DSE: variants seen among roughly 807,000 people sequenced by gnomAD.
The protein encoded by DSE is dermatan-sulfate epimerase.
A neutral mutation model predicts 84.4 loss-of-function variants in DSE; 36 were observed. The ratio of observed to expected loss-of-function variants is 0.43; its 90% CI spans 0.33 to 0.56. DSE has a LOEUF of 0.56. Among genes scored for constraint, DSE ranks in the 20% least tolerant of loss-of-function variants. The pLI is 0.06. For synonymous variants in DSE, 410 were observed against 430.1 expected (o/e 0.95, Z 0.58); for missense variants, 862 against 1,169.6 (o/e 0.74, Z 3.84).
At chr6:116,284,656 TC>T (rs1345709371) in intron 2 of DSE, among the ~76,000 whole-genome samples, 1 of 66,062 alleles carries the variant, frequency 1.5e-5, no homozygotes, top group Admixed American at 1.9e-4. Context: ...ATGCTATCCC[TC>T]CCCCCTCCCC....
intron 2 of DSE, among the ~76,000 whole-genome samples, chr6:116,362,825 A>G (rs1234949389): frequency 1.3e-5 from 2 of 152,184 alleles, no homozygotes; most frequent in Non-Finnish European, 2.9e-5. Flanking sequence ...TTATTTTCCC[A>G]AAGTTTCCTG....
intron 1 of DSE, among the ~76,000 whole-genome samples, chr6:116,397,646 G>C (rs1214031811): frequency 6.6e-6 from 1 of 152,132 alleles, no homozygotes; most frequent in Admixed American, 6.5e-5. Context: ...CTTTTGGCTG[G>C]GTCTCTGACC....
At chr6:116,339,238 C>G (rs938574623) in intron 2 of DSE, among the ~76,000 whole-genome samples, 3 of 152,020 alleles carry the variant, frequency 2.0e-5, no homozygotes, top group Non-Finnish European at 4.4e-5. Context: ...AATGTTAAAT[C>G]TTAGAACATT....
chr6:116,256,148 T>A (rs930073084), intron 1 of DSE: 8 of 152,274 alleles, frequency 5.3e-5, no homozygotes, highest in African/African-American at 1.9e-4. Flanking sequence ...ACCTTATTAC[T>A]TTACCTCCTT....
intron 2 of DSE, among the ~76,000 whole-genome samples, chr6:116,422,685 A>G (rs1783169975): frequency 6.6e-6 from 1 of 152,242 alleles, no homozygotes; most frequent in African/African-American, 2.4e-5. Flanking sequence ...TTAAACAACA[A>G]CAACAACAAA....
intron 2 of DSE, among the ~76,000 whole-genome samples, chr6:116,286,118 G>A (rs554513009): frequency 5.5e-4 from 84 of 152,228 alleles, no homozygotes; most frequent in Non-Finnish European, 1.0e-3. Context: ...GGGCAGTATG[G>A]CCATTTTCAG....
intron 2 of DSE, among the ~76,000 whole-genome samples, chr6:116,329,300 G>A (rs1028021191): frequency 1.1e-4 from 17 of 152,106 alleles, no homozygotes; most frequent in Non-Finnish European, 2.9e-5. Context: ...TTAAATACAG[G>A]CTTACATAGT....
intron 2 of DSE, among the ~76,000 whole-genome samples, chr6:116,409,021 G>A (rs1225738523): frequency 6.6e-6 from 1 of 152,180 alleles, no homozygotes; most frequent in Non-Finnish European, 1.5e-5. Flanking sequence ...TGAGCTGTGT[G>A]ACCTTGAGAA....
intron 2 of DSE, among the ~76,000 whole-genome samples, chr6:116,414,294 T>C (rs1172958385): frequency 3.9e-5 from 6 of 152,230 alleles, no homozygotes; most frequent in Non-Finnish European, 8.8e-5. Flanking sequence ...TTTGGTGTTC[T>C]TGGCTTGCAA....
intron 2 of DSE, among the ~76,000 whole-genome samples, chr6:116,338,246 G>C (rs1258973701): frequency 4.2e-5 from 5 of 118,372 alleles, no homozygotes; most frequent in Non-Finnish European, 8.3e-5. Flanking sequence ...TTTTTTGACG[G>C]AGGTTTGCTC....
chr6:116,356,558 A>G (rs776144415), intron 2 of DSE, among the ~76,000 whole-genome samples: 1 of 152,236 alleles, frequency 6.6e-6, no homozygotes, highest in Non-Finnish European at 1.5e-5. Flanking sequence ...ATTTTGATCT[A>G]GAAGGCATAG....
chr6:116,398,767 A>G (rs1032279976), intron 1 of DSE, among the ~76,000 whole-genome samples: 2 of 152,240 alleles, frequency 1.3e-5, no homozygotes, highest in East Asian at 3.8e-4. Flanking sequence ...GGCTGTAGTA[A>G]GAAATACAGG....
At chr6:116,295,431 T>C (rs1774603845) in intron 2 of DSE, among the ~76,000 whole-genome samples, 1 of 152,212 alleles carries the variant, frequency 6.6e-6, no homozygotes. Context: ...AAATTTCCTA[T>C]TTAAAATATT....
At chr6:116,302,336 CGTGAGGT>C in intron 2 of DSE, among the ~76,000 whole-genome samples, 1 of 152,242 alleles carries the variant, frequency 6.6e-6, no homozygotes, top group Non-Finnish European at 1.5e-5. Context: ...TTCTAGCTGG[CGTGAGGT>C]GGTATCTCAT....
chr6:116,286,799 G>A (rs942810521), intron 2 of DSE, among the ~76,000 whole-genome samples: 2 of 152,084 alleles, frequency 1.3e-5, no homozygotes, highest in Non-Finnish European at 2.9e-5. Context: ...TGGTGATGAG[G>A]TTTTCTGAAA....
intron 2 of DSE, among the ~76,000 whole-genome samples, chr6:116,276,018 C>T (rs911996949): frequency 6.6e-6 from 1 of 152,186 alleles, no homozygotes; most frequent in African/African-American, 2.4e-5. Flanking sequence ...ACTTTATCTT[C>T]TTACTCTTTT....
At chr6:116,279,529 C>G (rs768462871) in intron 2 of DSE, 2 of 1,606,780 alleles carry the variant, frequency 1.2e-6, no homozygotes, top group South Asian at 2.2e-5. Context: ...GGGAGGCTGG[C>G]CCTCTTCCTG....
At position 116,437,350 on chromosome 6, in the gene DSE, G is replaced by A; in HGVS notation, c.*5G>A. 5 of 1,567,990 alleles carry A rather than the reference G, an allele frequency of 3.2e-6. No individual in the cohort carries two copies. In the South Asian group the frequency reaches 6.0e-5, roughly 19 times the overall value. On this transcript the variant is annotated 3_prime_UTR_variant, in exon 6 of 6. Transcript: ENST00000644252. Reference sequence around the variant, plus strand: ...TGTTCCCAATCACAGTGTTAGCACTGAAGCTATAAATTACCTGGTCATTTT... The same window carrying A: ...TGTTCCCAATCACAGTGTTAGCACTAAAGCTATAAATTACCTGGTCATTTT...
intron 1 of DSE, among the ~76,000 whole-genome samples, chr6:116,398,127 G>C (rs1188242289): frequency 6.6e-6 from 1 of 152,026 alleles, no homozygotes; most frequent in African/African-American, 2.4e-5. Flanking sequence ...TCTTTTTCTG[G>C]TCTGCTTTCT....
Sources: allele counts gnomAD v4.1 joint callset (sites outside exome capture counted in the v4.1 genomes callset), GRCh38; gene constraint gnomAD v4.1.1; transcripts MANE v1.5; gene names NCBI Gene and HGNC (gene_info 2026-07-23, HGNC 2026-07-21).